DEUP1: variants seen among roughly 807,000 people sequenced by gnomAD.
DEUP1 encodes the protein deuterosome assembly protein 1, also known as coiled-coil domain containing 67.
A neutral mutation model predicts 87.4 loss-of-function variants in DEUP1; 82 were observed. The observed-to-expected ratio is 0.94, with a 90% CI of 0.78 to 1.13. DEUP1 has a LOEUF of 1.13. DEUP1 is among the 50% of genes most tolerant of loss of function. DEUP1 has a pLI of 0.00. For missense variants in DEUP1, 663 were observed against 681.5 expected (o/e 0.97, Z 0.30); for synonymous variants, 214 against 222.7 (o/e 0.96, Z 0.35).
rs116818927 is a variant in DEUP1 at position 93,379,072 on chromosome 11, G to C, written c.790-6326G>C. On this transcript the variant is annotated intron_variant, in intron 7 of 13. Transcript: ENST00000298050. ...ACTAGTAGGCCCAGTTATCAAGTCT[G>C]GTTCTACCCTTCAGTGAAGTTCACC... Among the ~76,000 whole-genome samples the C allele has an allele frequency of 7.6e-3, 1,159 of 152,240 alleles. 15 individuals are homozygous for C. Among genetic ancestry groups the C allele is most frequent in the African/African-American group, 0.027 (1,118 of 41,534 alleles).
chr11:93,334,681 A>G (rs1943660920), intron 2 of DEUP1, among the ~76,000 whole-genome samples: 1 of 152,202 alleles, frequency 6.6e-6, no homozygotes, highest in South Asian at 2.1e-4. Context: ...GTGTGAGTGA[A>G]TCAATATTCT....
intron 13 of DEUP1, 122 bp downstream of exon 13, chr11:93,415,236 A>C: frequency 3.7e-6 from 2 of 536,130 alleles, no homozygotes; most frequent in East Asian, 3.2e-5. Context: ...CTTGAATAGG[A>C]CTCCAAGATG....
intron 4 of DEUP1, among the ~76,000 whole-genome samples, chr11:93,357,986 T>C (rs1178217631): frequency 6.6e-6 from 1 of 152,204 alleles, no homozygotes; most frequent in Non-Finnish European, 1.5e-5. Flanking sequence ...GCTTAGACTC[T>C]GAGCATTTAG....
At chr11:93,341,254 C>CAAA (rs200524561) in intron 2 of DEUP1, among the ~76,000 whole-genome samples, 2 of 136,188 alleles carry the variant, frequency 1.5e-5, no homozygotes, top group African/African-American at 2.8e-5. Context: ...CCTGTCTCTA[C>CAAA]AAAAAAAAAA....
intron 13 of DEUP1, among the ~76,000 whole-genome samples, chr11:93,420,318 T>C (rs1947834382): frequency 1.3e-5 from 2 of 152,106 alleles, no homozygotes; most frequent in East Asian, 3.9e-4. Context: ...AAAAACCACA[T>C]GATTATCTCA....
At chr11:93,398,411 C>G (rs1947008402) in intron 11 of DEUP1, among the ~76,000 whole-genome samples, 1 of 152,036 alleles carries the variant, frequency 6.6e-6, no homozygotes, top group South Asian at 2.1e-4. Flanking sequence ...GAATAGCTTC[C>G]TAGGAGTAAA....
intron 11 of DEUP1, among the ~76,000 whole-genome samples, chr11:93,406,297 T>C (rs1165103310): frequency 6.6e-6 from 1 of 151,864 alleles, no homozygotes; most frequent in Non-Finnish European, 1.5e-5. Context: ...CAATCTCAAC[T>C]GTAAGATCAG....
intron 12 of DEUP1, among the ~76,000 whole-genome samples, chr11:93,414,018 A>G (rs1947526738): frequency 6.6e-6 from 1 of 152,192 alleles, no homozygotes. Flanking sequence ...ACTATGTGCC[A>G]GGCATTGTTT....
chr11:93,404,282 A>T (rs140665848), intron 11 of DEUP1, among the ~76,000 whole-genome samples: 6 of 152,158 alleles, frequency 3.9e-5, no homozygotes, highest in Admixed American at 2.6e-4. Flanking sequence ...ACAAATAATC[A>T]AGCTTATCGT....
At chr11:93,371,013 G>A in intron 6 of DEUP1, 25 bp from the exon 7 acceptor site, 4 of 1,588,648 alleles carry the variant, frequency 2.5e-6, no homozygotes, top group Non-Finnish European at 3.4e-6. Flanking sequence ...CTTCATTTGA[G>A]TTACACAGTT....
At chr11:93,432,671 A>G (rs1031644508) in intron 13 of DEUP1, among the ~76,000 whole-genome samples, 2 of 152,150 alleles carry the variant, frequency 1.3e-5, no homozygotes, top group Non-Finnish European at 2.9e-5. Context: ...GAGACAAGAT[A>G]CAGGGAGGGA....
chr11:93,331,860 C>T (rs541441548), intron 1 of DEUP1, among the ~76,000 whole-genome samples: 1 of 152,202 alleles, frequency 6.6e-6, no homozygotes, highest in East Asian at 1.9e-4. Context: ...GCCTGATCAA[C>T]ATGCGAAACC....
intron 2 of DEUP1, among the ~76,000 whole-genome samples, chr11:93,344,598 A>T (rs1290231030): frequency 6.6e-6 from 1 of 152,058 alleles, no homozygotes; most frequent in African/African-American, 2.4e-5. Context: ...TATTTTAGAT[A>T]TCTCATGTAT....
chr11:93,396,203 T>C, intron 10 of DEUP1, 36 bp from the exon 11 acceptor site: 1 of 1,287,418 alleles, frequency 7.8e-7, no homozygotes, highest in Non-Finnish European at 1.1e-6. Context: ...GTTTTTATTA[T>C]GAATTTTACA....
rs1945300417 is a variant in DEUP1, at chr11:93,364,048, A to C, written c.298-112A>C. 4 of 767,242 alleles carry C rather than the reference A, an allele frequency of 5.2e-6. No individual in the cohort carries two copies. The Admixed American group carries it at 1.2e-4, about 22-fold the overall frequency. The allele number at this position is 767,242 out of a possible 1,614,324, so 47.5% of individuals were successfully genotyped here. A position where few individuals can be genotyped will look rare whatever the true frequency, so the allele number is the denominator to read the frequency against. On this transcript the variant is annotated intron_variant, in intron 4 of 13. Transcript: ENST00000298050. ...AATTGAAACATTTAAGCTTTACTGC[A>C]CTTTCTAATCATGACAAATTTTCAA...
At chr11:93,412,162 A>G (rs1947453837) in intron 12 of DEUP1, among the ~76,000 whole-genome samples, 1 of 152,198 alleles carries the variant, frequency 6.6e-6, no homozygotes, top group Admixed American at 6.5e-5. Flanking sequence ...TAATGGAGGG[A>G]CAGGACTGGA....
chr11:93,411,081 G>T (rs555825842), intron 12 of DEUP1: 10 of 152,144 alleles, frequency 6.6e-5, no homozygotes, highest in Middle Eastern at 3.4e-3. Context: ...GGAAAGAGTT[G>T]TTGAGATGCA....
intron 12 of DEUP1, among the ~76,000 whole-genome samples, chr11:93,413,398 C>A (rs1211365280): frequency 6.6e-6 from 1 of 152,110 alleles, no homozygotes; most frequent in Admixed American, 6.5e-5. Context: ...CCCGCCATCA[C>A]GCCAGGCTAA....
chr11:93,384,465 C>T (rs1203137373), intron 7 of DEUP1, among the ~76,000 whole-genome samples: 1 of 152,190 alleles, frequency 6.6e-6, no homozygotes, highest in Non-Finnish European at 1.5e-5. Flanking sequence ...GTCATCCTAT[C>T]CACCTTCTTA....
Sources: allele counts gnomAD v4.1 joint callset (sites outside exome capture counted in the v4.1 genomes callset), GRCh38; gene constraint gnomAD v4.1.1; transcripts MANE v1.5; gene names NCBI Gene and HGNC (gene_info 2026-07-23, HGNC 2026-07-21).